The following PYM1 variants were observed in gnomAD, a reference collection of about 807,000 sequenced individuals.
The protein encoded by PYM1 is partner of Y14 and mago.
In PYM1, 7 loss-of-function variants were observed where a neutral mutation model predicts 20.7. The ratio of observed to expected loss-of-function variants is 0.34; its 90% CI spans 0.19 to 0.64. PYM1 has a LOEUF of 0.64. Ranked by LOEUF, PYM1 falls within the 30% of genes least tolerant of loss-of-function variation. PYM1 has a pLI of 0.74. For missense variants in PYM1, 194 were observed against 250.0 expected (o/e 0.78, Z 1.51); for synonymous variants, 100 against 99.2 (o/e 1.01, Z -0.05).
intron 1 of PYM1, among the ~76,000 whole-genome samples, chr12:55,905,884 ATATATTAT>A (rs1208372002): frequency 1.3e-5 from 1 of 74,680 alleles, no homozygotes; most frequent in African/African-American, 4.3e-5. Context: ...TATTAGATAT[ATATATTAT>A]TATATATATC....
At chr12:55,921,144 GCACTTGGAATGGCCCAAGTA>G (rs1247975196) in intron 1 of PYM1, among the ~76,000 whole-genome samples, 1 of 152,162 alleles carries the variant, frequency 6.6e-6, no homozygotes, top group Admixed American at 6.5e-5. Flanking sequence ...ATTTTAGCAG[GCACTTGGAATGGCCCAAGTA>G]CTATGCCTGG....
intron 1 of PYM1, 82 bp downstream of exon 1, chr12:55,927,643 C>G: frequency 6.6e-7 from 1 of 1,507,702 alleles, no homozygotes; most frequent in Non-Finnish European, 8.9e-7. Context: ...ATTCGTGTGC[C>G]GATTGCTGTC....
chr12:55,926,623 C>T (rs1592643866), intron 1 of PYM1, among the ~76,000 whole-genome samples: 1 of 151,906 alleles, frequency 6.6e-6, no homozygotes, highest in East Asian at 1.9e-4. Flanking sequence ...TATGTAGAAA[C>T]GAGGAGGTCT....
At chr12:55,905,445 T>G (rs1882778596) in intron 1 of PYM1, among the ~76,000 whole-genome samples, 1 of 151,498 alleles carries the variant, frequency 6.6e-6, no homozygotes, top group Non-Finnish European at 1.5e-5. Context: ...CTCATGCCTG[T>G]AATCCCAACA....
chr12:55,915,425 G>A (rs1488911873), intron 1 of PYM1, among the ~76,000 whole-genome samples: 3 of 151,664 alleles, frequency 2.0e-5, no homozygotes, highest in Non-Finnish European at 4.4e-5. Flanking sequence ...CCTCCTAGCT[G>A]GGCTTGGTGG....
At chr12:55,922,006 T>C (rs952775058) in intron 1 of PYM1, among the ~76,000 whole-genome samples, 3 of 152,068 alleles carry the variant, frequency 2.0e-5, no homozygotes, top group Non-Finnish European at 2.9e-5. Flanking sequence ...CCTGAGTAGC[T>C]GGGACCACAG....
chr12:55,926,741 G>A (rs1883195040), intron 1 of PYM1, among the ~76,000 whole-genome samples: 1 of 152,136 alleles, frequency 6.6e-6, no homozygotes, highest in African/African-American at 2.4e-5. Context: ...AGGAACTGGA[G>A]GGAAATGAGA....
chr12:55,915,160 A>G (rs1882984325), intron 1 of PYM1, among the ~76,000 whole-genome samples: 1 of 141,704 alleles, frequency 7.1e-6, no homozygotes, highest in Non-Finnish European at 1.5e-5. Context: ...GGTTGCAGTA[A>G]GCCAAGATCG....
chr12:55,919,730 TCTAA>T (rs1883066454), intron 1 of PYM1, among the ~76,000 whole-genome samples: 1 of 151,542 alleles, frequency 6.6e-6, no homozygotes, highest in South Asian at 2.1e-4. Flanking sequence ...AAACCCCATC[TCTAA>T]CTAAAAATAC....
At chr12:55,905,422 C>A (rs1268450083) in intron 1 of PYM1, among the ~76,000 whole-genome samples, 1 of 151,630 alleles carries the variant, frequency 6.6e-6, no homozygotes, top group South Asian at 2.1e-4. Flanking sequence ...AAATTCTTGG[C>A]AGGGCACAGT....
chr12:55,904,269 T>C (rs1443316203), intron 1 of PYM1, among the ~76,000 whole-genome samples: 4 of 150,702 alleles, frequency 2.7e-5, no homozygotes, highest in African/African-American at 9.7e-5. Context: ...GCCTGGCCTT[T>C]AAAGGGTATT....
intron 2 of PYM1, 83 bp downstream of exon 2, chr12:55,903,304 C>A: frequency 7.9e-7 from 1 of 1,265,858 alleles, no homozygotes; most frequent in East Asian, 2.3e-5. Context: ...GGAGAGTCCT[C>A]CCTGAACTTG....
At chr12:55,923,565 A>T (rs903753637) in intron 1 of PYM1, among the ~76,000 whole-genome samples, 1 of 140,426 alleles carries the variant, frequency 7.1e-6, no homozygotes, top group African/African-American at 2.6e-5. Context: ...ACCCTGTCTG[A>T]AAAAAAAAAA....
rs1206528173 is a variant in PYM1 at position 55,927,174 on chromosome 12, T to A, written c.37+551A>T. ...GTCCCGCCCCCCTCCCCACCGGAAG[T>A]GGAGTCCCGATCGTAGCAAGCCACC... On this transcript the variant is annotated intron_variant, in intron 1 of 2. Transcript: ENST00000408946. 18 of 1,530,762 alleles carry A rather than the reference T, an allele frequency of 1.2e-5. No individual in the cohort carries two copies. In the Admixed American group the frequency reaches 3.6e-4, roughly 30 times the overall value. 94.8% of individuals were successfully genotyped at this position (1,530,762 alleles called of 1,614,324 possible).
chr12:55,901,758 TGGA>T lies in PYM1; in HGVS notation c.*111_*113del. On this transcript the variant is annotated 3_prime_UTR_variant, in exon 3 of 3. Transcript: ENST00000408946. ...GAGGACAGAGCTGGGCCGCAGGAGGTGGAAGTAAGCCAGTATGGGGGGTACCCC... is the reference window on the plus strand; with the variant it reads ...GAGGACAGAGCTGGGCCGCAGGAGGTAGTAAGCCAGTATGGGGGGTACCCC... 8.9e-7 allele frequency: 1 copy of T among 1,122,274 alleles called. No individual in the cohort carries two copies. The highest frequency in any genetic ancestry group is 1.2e-6 in the Non-Finnish European group (1 of 828,102). 69.5% of individuals were successfully genotyped at this position (1,122,274 alleles called of 1,614,324 possible).
chr12:55,908,692 A>C (rs113330443), intron 1 of PYM1, among the ~76,000 whole-genome samples: 44 of 151,866 alleles, frequency 2.9e-4, no homozygotes, highest in African/African-American at 1.0e-3. Context: ...TCTCTACTAA[A>C]ATACAAAAAA....
chr12:55,905,863 A>ATATATATATCTATTAGACATATATATTAT (rs1882793573), intron 1 of PYM1, among the ~76,000 whole-genome samples: 1 of 42,070 alleles, frequency 2.4e-5, no homozygotes, highest in African/African-American at 8.4e-5. Context: ...TATATTAGAT[A>ATATATATATCTATTAGACATATATATTAT]TATATATATC....
intron 1 of PYM1, among the ~76,000 whole-genome samples, chr12:55,916,690 C>T (rs1883013793): frequency 6.6e-6 from 1 of 151,890 alleles, no homozygotes; most frequent in African/African-American, 2.4e-5. Context: ...CCCAGCTACT[C>T]GGGAGGCTGA....
At chr12:55,919,096 T>C (rs1883056199) in intron 1 of PYM1, among the ~76,000 whole-genome samples, 1 of 152,220 alleles carries the variant, frequency 6.6e-6, no homozygotes, top group South Asian at 2.1e-4. Context: ...ATATGCAAGA[T>C]GGGAATATGG....
Sources: allele counts gnomAD v4.1 joint callset (sites outside exome capture counted in the v4.1 genomes callset), GRCh38; gene constraint gnomAD v4.1.1; transcripts MANE v1.5; gene names NCBI Gene and HGNC (gene_info 2026-07-23, HGNC 2026-07-21).